Variants in GPR31 observed in about 807,000 individuals in gnomAD.
GPR31 encodes 12-(S)-hydroxy-5,8,10,14-eicosatetraenoic acid receptor.
For missense variants in GPR31, 394 were observed against 400.5 expected, an observed-to-expected ratio of 0.98 and a Z score of 0.14; for synonymous variants, 209 against 183.8, an observed-to-expected ratio of 1.14 and a Z score of -1.11.
rs780218828 is a variant in GPR31, at chr6:167,156,886, C to T, written c.946G>A (p.Asp316Asn). Reference sequence around the variant, plus strand: ...GCTGGCTGTTGTCAGGAATAGGAGTCTCTGGGGTTGAAATCTGGGGGCTCT... The same window carrying T: ...GCTGGCTGTTGTCAGGAATAGGAGTTTCTGGGGTTGAAATCTGGGGGCTCT... ...AAEPPDFNPR[D>N]SYS The change falls in exon 1 of 1, where the codon GAC (aspartate) becomes AAC (asparagine). Residue 316 changes from aspartate (D) to asparagine (N), a missense_variant. Coordinates refer to ENST00000366834, the MANE Select transcript of GPR31 (RefSeq NM_005299.3). This position sits in a 1 kb window ranked among gnomAD's most constrained non-coding sequence, Gnocchi z 4.5. 26 of 1,600,790 alleles carry T rather than the reference C, an allele frequency of 1.6e-5. No homozygotes were observed. The highest frequency in any genetic ancestry group is 2.1e-5 in the Non-Finnish European group (25 of 1,173,454).
chr6:167,156,994 C>T lies in GPR31; in HGVS notation c.838G>A (p.Val280Met), dbSNP rs759020473. The T allele has an allele frequency of 9.9e-6, 16 of 1,614,022 alleles. No homozygotes were observed. The highest frequency in any genetic ancestry group is 1.6e-4 in the Middle Eastern group (1 of 6,084). ...LTYLHSVLNP[V>M]VYCFSSPTFR... ...GTGGGGCTGGAGAAGCAGTATACCA[C>T]GGGGTTGAGCACACTGTGCAGGTAG... Residue 280 changes from valine to methionine, a missense_variant, in exon 1 of 1, where the codon GTG becomes ATG. Physicochemically the swap from Val to Met is conservative, Grantham distance 21. Coordinates refer to ENST00000366834, the MANE Select transcript of GPR31 (RefSeq NM_005299.3). The surrounding 1 kb of genome is among the most constrained non-coding windows in gnomAD (Gnocchi z 4.5).
chr6:167,156,827 C>T lies in GPR31; in HGVS notation c.*45G>A, dbSNP rs753379960. The stretch of plus-strand genomic sequence containing the variant: ...AAGTAGGAGTAATTATTATTTAGGT[C>T]GCAGGTAGTTCCATAAACACGGGCG... On this transcript the variant is annotated 3_prime_UTR_variant, in exon 1 of 1. Coordinates refer to ENST00000366834, the MANE Select transcript of GPR31 (RefSeq NM_005299.3). This position sits in a 1 kb window ranked among gnomAD's most constrained non-coding sequence, Gnocchi z 4.5. The T allele has an allele frequency of 2.8e-5, 43 of 1,522,280 alleles. No individual in the cohort carries two copies. Among genetic ancestry groups the T allele is most frequent in the East Asian group, 1.4e-4 (6 of 44,214 alleles). The allele number at this position is 1,522,280 out of a possible 1,614,324, so 94.3% of individuals were successfully genotyped here.
rs986681524 is a variant in GPR31, at chr6:167,157,541, G to T, written c.291C>A (p.Ser97Arg). 1 of 1,610,286 alleles carries T rather than the reference G, an allele frequency of 6.2e-7. No homozygotes were observed. Among genetic ancestry groups the T allele is most frequent in the African/African-American group, 1.3e-5 (1 of 74,964 alleles). ...CWALHFLLDLSRSVGMAFLAA... is the reference protein window; with the variant it reads ...CWALHFLLDLRRSVGMAFLAA... ...CCAGGAAGGCCATCCCCACGCTGCG[G>T]CTGAGGTCCAGCAGGAAGTGCAGGG... The change falls in exon 1 of 1, where the codon AGC (serine) becomes AGA (arginine). Residue 97 changes from serine (S) to arginine (R), a missense_variant. Physicochemically the swap from Ser to Arg is moderately radical, Grantham distance 110. Coordinates refer to ENST00000366834, the MANE Select transcript of GPR31 (RefSeq NM_005299.3).
rs532280127 is a variant in GPR31, at chr6:167,157,728, G to A, written c.104C>T (p.Ala35Val). The stretch of plus-strand genomic sequence containing the variant: ...GACCCGGAACAGGAAGGTCCACAGC[G>A]CCACCGCGTTGCCCAGCAGACCCAG... ...CGLGLLGNAV[A>V]LWTFLFRVRV... Residue 35 changes from alanine to valine, a missense_variant, in exon 1 of 1, where the codon GCG becomes GTG. Physicochemically the swap from Ala to Val is moderately conservative, Grantham distance 64. Coordinates refer to ENST00000366834, the MANE Select transcript of GPR31 (RefSeq NM_005299.3). The A allele has an allele frequency of 1.6e-5, 26 of 1,613,546 alleles. No individual in the cohort carries two copies. The highest frequency in any genetic ancestry group is 6.6e-5 in the South Asian group (6 of 91,070).
rs369377204 is a variant in GPR31, at chr6:167,157,252, C to A, written c.580G>T (p.Val194Leu). 6.2e-7 allele frequency: 1 copy of A among 1,614,144 alleles called. No individual in the cohort carries two copies. The highest frequency in any genetic ancestry group is 8.5e-7 in the Non-Finnish European group (1 of 1,180,012). Residue 194 changes from valine to leucine, a missense_variant, in exon 1 of 1, where the codon GTG (valine) becomes TTG (leucine). Transcript: ENST00000366834. ...CTGATGATGCCTGCATTGCAGAACACGATGAGGCCAAAGGGGAGGACAAAC... is the reference window on the plus strand; with the variant it reads ...CTGATGATGCCTGCATTGCAGAACAAGATGAGGCCAAAGGGGAGGACAAAC... ...LQFVLPFGLI[V>L]FCNAGIIRAL...
In GPR31 at chr6:167,157,184, C is replaced by G. The variant is rs773661514; in HGVS notation, c.648G>C (p.Lys216Asn). 1 of 1,614,252 alleles carries G rather than the reference C, an allele frequency of 6.2e-7. No individual in the cohort carries two copies. Among genetic ancestry groups the G allele is most frequent in the Non-Finnish European group, 8.5e-7 (1 of 1,180,052 alleles). The change falls in exon 1 of 1, where the codon AAG becomes AAC. Residue 216 changes from lysine (K) to asparagine (N), a missense_variant. Lys to Asn is a moderately conservative substitution (Grantham distance 94). Coordinates refer to ENST00000366834, the MANE Select transcript of GPR31 (RefSeq NM_005299.3). ...KRLREPEKQP[K>N]LQRAQALVTL... ...TGACCAGTGCCTGGGCCCGCTGAAG[C>G]TTGGGCTGTTTCTCAGGCTCCCGGA...
At position 167,157,272 on chromosome 6, in the gene GPR31, A is replaced by G. The variant is rs1264740752; in HGVS notation, c.560T>C (p.Val187Ala). Reference protein sequence around the residue: ...WQEALSCLQFVLPFGLIVFCN... With the variant: ...WQEALSCLQFALPFGLIVFCN... Reference sequence around the variant, plus strand: ...GAACACGATGAGGCCAAAGGGGAGGACAAACTGAAGGCAGGAGAGTGCTTC... The same window carrying G: ...GAACACGATGAGGCCAAAGGGGAGGGCAAACTGAAGGCAGGAGAGTGCTTC... The change falls in exon 1 of 1, where the codon GTC becomes GCC. Residue 187 changes from valine (V) to alanine (A), a missense_variant. Val to Ala is a moderately conservative substitution (Grantham distance 64). Transcript: ENST00000366834. The G allele has an allele frequency of 5.0e-6, 8 of 1,614,046 alleles. No individual in the cohort carries two copies. Among genetic ancestry groups the G allele is most frequent in the African/African-American group, 4.0e-5 (3 of 74,916 alleles).
Position 167,157,418 on chromosome 6 carries a change from G to C in GPR31, c.414C>G (p.Val138=). The part of the protein sequence containing the change: ...PQAALGVSGL[V]WLLMVALTCP... ...AGGTGAGGGCGACCATCAGGAGCCAGACGAGGCCCGAGACCCCCAGGGCCG... is the reference window on the plus strand; with the variant it reads ...AGGTGAGGGCGACCATCAGGAGCCACACGAGGCCCGAGACCCCCAGGGCCG... Residue 138 remains valine, a synonymous_variant, in exon 1 of 1, where the codon GTC becomes GTG. Coordinates refer to ENST00000366834, the MANE Select transcript of GPR31 (RefSeq NM_005299.3). The C allele has an allele frequency of 6.2e-7, 1 of 1,613,310 alleles. No individual in the cohort carries two copies. Among genetic ancestry groups the C allele is most frequent in the Non-Finnish European group, 8.5e-7 (1 of 1,180,014 alleles).
rs35844251 is a variant in GPR31 at position 167,155,552 on chromosome 6, C to T, written c.*1320G>A. Among the ~76,000 whole-genome samples the T allele has an allele frequency of 2.9e-3, 441 of 152,298 alleles. 14 individuals are homozygous for T. In the East Asian group the frequency reaches 0.071, roughly 25 times the overall value. ...TGCCTAGAGCCATCATTTTTGACCT[C>T]GAATTTGACAGAAAGCTTGGGACCA... On this transcript the variant is annotated 3_prime_UTR_variant, in exon 1 of 1. Transcript: ENST00000366834.
In GPR31 at chr6:167,155,378, C is replaced by A. The variant is rs866809732; in HGVS notation, c.*1494G>T. Among the ~76,000 whole-genome samples the A allele has an allele frequency of 6.6e-6, 1 of 152,158 alleles. No homozygotes were observed. The highest frequency in any genetic ancestry group is 1.9e-4 in the East Asian group (1 of 5,198). ...GTAGCAAAGTAATGCTGGTAGAATT[C>A]CAAATTATACTCCTTTCGTTGGGCA... On this transcript the variant is annotated 3_prime_UTR_variant, in exon 1 of 1. Transcript: ENST00000366834.
chr6:167,157,515 G>T lies in GPR31; in HGVS notation c.317C>A (p.Ala106Asp). Residue 106 changes from alanine to aspartate, a missense_variant, in exon 1 of 1, where the codon GCC (alanine) becomes GAC (aspartate). Ala to Asp is a moderately radical substitution (Grantham distance 126). Transcript: ENST00000366834. ...LSRSVGMAFL[A>D]AVALDRYLRV... ...GAGGTACCGGTCCAAAGCCACGGCGGCCAGGAAGGCCATCCCCACGCTGCG... is the reference window on the plus strand; with the variant it reads ...GAGGTACCGGTCCAAAGCCACGGCGTCCAGGAAGGCCATCCCCACGCTGCG... 1 of 1,613,162 alleles carries T rather than the reference G, an allele frequency of 6.2e-7. No homozygotes were observed. Among genetic ancestry groups the T allele is most frequent in the Non-Finnish European group, 8.5e-7 (1 of 1,179,696 alleles).
At position 167,155,985 on chromosome 6, in the gene GPR31, G is replaced by T. The variant is rs1269105314; in HGVS notation, c.*887C>A. 1.3e-5 allele frequency among the ~76,000 whole-genome samples: 2 copies of T among 152,238 alleles called. No homozygotes were observed. Among genetic ancestry groups the T allele is most frequent in the African/African-American group, 4.8e-5 (2 of 41,454 alleles). On this transcript the variant is annotated 3_prime_UTR_variant, in exon 1 of 1. Transcript: ENST00000366834. ...TGCCCACCTTCACACTGTGGCCCATGGAGCCCTGGCATGTCCCGAGCACCA... is the reference window on the plus strand; with the variant it reads ...TGCCCACCTTCACACTGTGGCCCATTGAGCCCTGGCATGTCCCGAGCACCA...
Position 167,155,862 on chromosome 6 carries a change from C to A in GPR31, c.*1010G>T, listed in dbSNP as rs185609852. Among the ~76,000 whole-genome samples the A allele has an allele frequency of 6.6e-6, 1 of 152,314 alleles. No individual in the cohort carries two copies. Among genetic ancestry groups the A allele is most frequent in the Non-Finnish European group, 1.5e-5 (1 of 68,034 alleles). On this transcript the variant is annotated 3_prime_UTR_variant, in exon 1 of 1. Coordinates refer to ENST00000366834, the MANE Select transcript of GPR31 (RefSeq NM_005299.3). Reference sequence around the variant, plus strand: ...GAAAGTGACTTTGAAAATCTTTTATCATCATCGTGAGACTCAGTTTTGGAA... The same window carrying A: ...GAAAGTGACTTTGAAAATCTTTTATAATCATCGTGAGACTCAGTTTTGGAA...
Position 167,157,385 on chromosome 6 carries a change from G to A in GPR31, c.447C>T (p.Gly149=), listed in dbSNP as rs563722897. The part of the protein sequence containing the change: ...WLLMVALTCP[G]LLISEAAQNS... ...TCTGGGCGGCCTCAGAGATGAGCAA[G>A]CCCGGGCAGGTGAGGGCGACCATCA... Residue 149 remains glycine (G), a synonymous_variant, in exon 1 of 1, where the codon GGC becomes GGT. Transcript: ENST00000366834. The A allele has an allele frequency of 6.3e-5, 101 of 1,613,312 alleles. No homozygotes were observed. The highest frequency in any genetic ancestry group is 7.8e-5 in the Non-Finnish European group (92 of 1,180,022).
rs1201163327 is a variant in GPR31, at chr6:167,155,992, T to G, written c.*880A>C. Among the ~76,000 whole-genome samples the G allele has an allele frequency of 6.6e-6, 1 of 152,234 alleles. No homozygotes were observed. The highest frequency in any genetic ancestry group is 2.4e-5 in the African/African-American group (1 of 41,460). On this transcript the variant is annotated 3_prime_UTR_variant, in exon 1 of 1. Coordinates refer to ENST00000366834, the MANE Select transcript of GPR31 (RefSeq NM_005299.3). ...CTTCACACTGTGGCCCATGGAGCCC[T>G]GGCATGTCCCGAGCACCATTGTCCA...
At position 167,157,364 on chromosome 6, in the gene GPR31, G is replaced by T. The variant is rs989160047; in HGVS notation, c.468C>A (p.Ala156=). The T allele has an allele frequency of 1.2e-6, 2 of 1,613,622 alleles. No homozygotes were observed. The highest frequency in any genetic ancestry group is 1.1e-5 in the South Asian group (1 of 91,082). Residue 156 remains alanine, a synonymous_variant, in exon 1 of 1, where the codon GCC becomes GCA. Transcript: ENST00000366834. The part of the protein sequence containing the change: ...TCPGLLISEA[A]QNSTRCHSFY... ...AACTGTGGCACCTGGTGGAGTTCTGGGCGGCCTCAGAGATGAGCAAGCCCG... is the reference window on the plus strand; with the variant it reads ...AACTGTGGCACCTGGTGGAGTTCTGTGCGGCCTCAGAGATGAGCAAGCCCG...
chr6:167,157,244 G>A lies in GPR31; in HGVS notation c.588C>T (p.Cys196=). The change falls in exon 1 of 1, where the codon TGC becomes TGT. Residue 196 remains cysteine, a synonymous_variant. Coordinates refer to ENST00000366834, the MANE Select transcript of GPR31 (RefSeq NM_005299.3). ...FVLPFGLIVF[C]NAGIIRALQK... Reference sequence around the variant, plus strand: ...GGAGAGCCCTGATGATGCCTGCATTGCAGAACACGATGAGGCCAAAGGGGA... The same window carrying A: ...GGAGAGCCCTGATGATGCCTGCATTACAGAACACGATGAGGCCAAAGGGGA... 6.2e-7 allele frequency: 1 copy of A among 1,614,184 alleles called. No homozygotes were observed. The highest frequency in any genetic ancestry group is 8.5e-7 in the Non-Finnish European group (1 of 1,180,032).
At position 167,155,651 on chromosome 6, in the gene GPR31, G is replaced by A. The variant is rs1346011901; in HGVS notation, c.*1221C>T. Among the ~76,000 whole-genome samples the A allele has an allele frequency of 6.6e-6, 1 of 152,356 alleles. No homozygotes were observed. The highest frequency in any genetic ancestry group is 6.5e-5 in the Admixed American group (1 of 15,302). On this transcript the variant is annotated 3_prime_UTR_variant, in exon 1 of 1. Coordinates refer to ENST00000366834, the MANE Select transcript of GPR31 (RefSeq NM_005299.3). ...AGTACAAAAGTGTTTTATCGTGTTA[G>A]GAGATAAAGAATAGTTTCTGCACAC...
At position 167,155,810 on chromosome 6, in the gene GPR31, G is replaced by A. The variant is rs2114954880; in HGVS notation, c.*1062C>T. Among the ~76,000 whole-genome samples the A allele has an allele frequency of 6.6e-6, 1 of 152,348 alleles. No individual in the cohort carries two copies. The highest frequency in any genetic ancestry group is 1.9e-4 in the East Asian group (1 of 5,192). On this transcript the variant is annotated 3_prime_UTR_variant, in exon 1 of 1. Coordinates refer to ENST00000366834, the MANE Select transcript of GPR31 (RefSeq NM_005299.3). Reference sequence around the variant, plus strand: ...GCCCTAAGCAAACTTTTAGGTTTGAGCAGAGAATGAGAGATAAGGCAACAA... The same window carrying A: ...GCCCTAAGCAAACTTTTAGGTTTGAACAGAGAATGAGAGATAAGGCAACAA...
Sources: allele counts gnomAD v4.1 joint callset (sites outside exome capture counted in the v4.1 genomes callset), GRCh38; gene constraint gnomAD v4.1.1; non-coding constraint Gnocchi (gnomAD v3.1); transcripts MANE v1.5; gene names NCBI Gene and HGNC (gene_info 2026-07-23, HGNC 2026-07-21).